PEAK1: variants seen among roughly 807,000 people sequenced by gnomAD.
PEAK1 encodes the protein pseudopodium enriched atypical kinase 1.
PEAK1 carries 54 observed loss-of-function variants against 124.7 expected under a neutral mutation model. That is an observed-to-expected ratio of 0.43 (90% CI 0.35 to 0.54). The LOEUF is 0.54. Ranked by LOEUF, PEAK1 falls within the 20% of genes least tolerant of loss-of-function variation. The pLI, the probability that PEAK1 is intolerant of heterozygous loss-of-function variation, is 0.01. For synonymous variants in PEAK1, 719 were observed against 760.0 expected (o/e 0.95, Z 0.89); for missense variants, 2,046 against 2,134.5 (o/e 0.96, Z 0.82).
intron 8 of PEAK1, chr15:77,158,037 G>A (rs1283347801): frequency 6.4e-6 from 1 of 155,764 alleles, no homozygotes; most frequent in Non-Finnish European, 1.4e-5. Context: ...AATGTTTGTG[G>A]TGCCTACATG....
At chr15:77,331,453 GTTGT>G (rs1226441938) in intron 2 of PEAK1, among the ~76,000 whole-genome samples, 2 of 151,958 alleles carry the variant, frequency 1.3e-5, no homozygotes, top group Non-Finnish European at 2.9e-5. Context: ...AACTATTTAG[GTTGT>G]TTCTACATTT....
At chr15:77,237,192 CT>C (rs1394561629) in intron 6 of PEAK1, among the ~76,000 whole-genome samples, 1 of 151,958 alleles carries the variant, frequency 6.6e-6, no homozygotes, top group Non-Finnish European at 1.5e-5. Context: ...AAATGTTTCA[CT>C]AAAAAAGATT....
chr15:77,352,674 G>A (rs2067278965), intron 2 of PEAK1: 1 of 946,052 alleles, frequency 1.1e-6, no homozygotes, highest in Non-Finnish European at 1.3e-6. Flanking sequence ...ATGATATAGA[G>A]TATTAACCTG....
chr15:77,326,289 C>T (rs546303594), intron 2 of PEAK1, among the ~76,000 whole-genome samples: 4 of 152,220 alleles, frequency 2.6e-5, no homozygotes, highest in Non-Finnish European at 5.9e-5. Context: ...CATCAATAAA[C>T]ACTTTCAACT....
intron 7 of PEAK1, among the ~76,000 whole-genome samples, chr15:77,165,470 T>TAC (rs1216353820): frequency 6.6e-6 from 1 of 152,216 alleles, no homozygotes; most frequent in Non-Finnish European, 1.5e-5. Flanking sequence ...GTACTTGGAC[T>TAC]ACAGGAGTGA....
intron 6 of PEAK1, among the ~76,000 whole-genome samples, chr15:77,240,442 A>G (rs537982894): frequency 6.6e-6 from 1 of 151,964 alleles, no homozygotes; most frequent in South Asian, 2.1e-4. Context: ...CAACACAGGA[A>G]GTCCGTCTCT....
intron 2 of PEAK1, chr15:77,347,498 G>A: frequency 1.0e-6 from 1 of 985,352 alleles, no homozygotes; most frequent in Non-Finnish European, 1.2e-6. Context: ...GGTGATATCT[G>A]AGGCTTATAA....
intron 7 of PEAK1, among the ~76,000 whole-genome samples, chr15:77,159,704 G>A (rs1468020966): frequency 6.6e-6 from 1 of 152,184 alleles, no homozygotes; most frequent in African/African-American, 2.4e-5. Context: ...TTTTCAATTG[G>A]CAGTGAGTCA....
At chr15:77,134,457 CT>C in intron 8 of PEAK1, among the ~76,000 whole-genome samples, 1 of 152,260 alleles carries the variant, frequency 6.6e-6, no homozygotes, top group South Asian at 2.1e-4. Context: ...AATTCCCAAA[CT>C]CTTATGTGAT....
chr15:77,308,789 G>A (rs980924103), intron 2 of PEAK1, among the ~76,000 whole-genome samples: 1 of 151,966 alleles, frequency 6.6e-6, no homozygotes, highest in African/African-American at 2.4e-5. Flanking sequence ...ACTTTTCTTG[G>A]TCCTGTACCT....
intron 5 of PEAK1, among the ~76,000 whole-genome samples, chr15:77,255,865 T>C (rs964578316): frequency 1.3e-5 from 2 of 152,202 alleles, no homozygotes; most frequent in South Asian, 2.1e-4. Context: ...CTGACCAGTA[T>C]GCTAAGGCAC....
chr15:77,225,666 T>TATATATATATA (rs1555448933), intron 6 of PEAK1, among the ~76,000 whole-genome samples: 10 of 87,974 alleles, frequency 1.1e-4, no homozygotes, highest in African/African-American at 3.1e-4. Flanking sequence ...TGTGTATAAT[T>TATATATATATA]TATATATATA....
chr15:77,303,499 C>T (rs1344885076), intron 2 of PEAK1, among the ~76,000 whole-genome samples: 1 of 152,228 alleles, frequency 6.6e-6, no homozygotes, highest in African/African-American at 2.4e-5. Context: ...CCTAATGACA[C>T]ACAATGTTGA....
chr15:77,159,688 T>C (rs2055461567), intron 7 of PEAK1, among the ~76,000 whole-genome samples: 1 of 152,228 alleles, frequency 6.6e-6, no homozygotes, highest in African/African-American at 2.4e-5. Flanking sequence ...ACAGGTTATT[T>C]GTGGATTTTC....
chr15:77,302,819 T>C (rs1597194750), intron 2 of PEAK1, among the ~76,000 whole-genome samples: 1 of 152,216 alleles, frequency 6.6e-6, no homozygotes, highest in South Asian at 2.1e-4. Flanking sequence ...CTTTCTGCTA[T>C]AAAATTCTCT....
chr15:77,142,165 A>G (rs540285121), intron 8 of PEAK1, among the ~76,000 whole-genome samples: 1 of 152,340 alleles, frequency 6.6e-6, no homozygotes, highest in Non-Finnish European at 1.5e-5. Context: ...AAAATGGGTA[A>G]AAGATTTGCA....
intron 6 of PEAK1, among the ~76,000 whole-genome samples, chr15:77,192,938 G>T (rs1446872570): frequency 6.6e-6 from 1 of 151,990 alleles, no homozygotes; most frequent in Non-Finnish European, 1.5e-5. Flanking sequence ...ACTCTTCTGT[G>T]TCTTTTTTCT....
intron 2 of PEAK1, among the ~76,000 whole-genome samples, chr15:77,311,685 CAAAAAA>C (rs11296386): frequency 7.0e-5 from 6 of 85,872 alleles, no homozygotes; most frequent in African/African-American, 1.8e-4. Context: ...CCAACCCCCA[CAAAAAA>C]AAAAAAAAAA....
At chr15:77,162,953 A>G (rs148408636) in intron 7 of PEAK1, among the ~76,000 whole-genome samples, 1,775 of 152,330 alleles carry the variant, frequency 0.012, 43 homozygotes, top group African/African-American at 0.04. Context: ...GATATTGATT[A>G]CTATAAAACA....
Sources: allele counts gnomAD v4.1 joint callset (sites outside exome capture counted in the v4.1 genomes callset), GRCh38; gene constraint gnomAD v4.1.1; transcripts MANE v1.5; gene names NCBI Gene and HGNC (gene_info 2026-07-23, HGNC 2026-07-21).